Variants in RPL14 observed in about 807,000 individuals in gnomAD.
RPL14 encodes large ribosomal subunit protein eL14.
Under a neutral mutation model 25.3 loss-of-function variants are expected in RPL14, and 4 were observed. That is an observed-to-expected ratio of 0.16 (90% CI 0.08 to 0.36). The LOEUF (loss-of-function observed/expected upper bound fraction) is 0.36, where lower values mean the gene tolerates loss of function less well. Ranked by LOEUF, RPL14 falls within the 10% of genes least tolerant of loss-of-function variation. The pLI, the probability that RPL14 is intolerant of heterozygous loss-of-function variation, is 1.00. For synonymous variants in RPL14, 75 were observed against 89.8 expected, an observed-to-expected ratio of 0.84 and a Z score of 0.93; for missense variants, 212 against 261.9, an observed-to-expected ratio of 0.81 and a Z score of 1.31.
rs749845440 is a variant in RPL14 at position 40,458,731 on chromosome 3, G to C, written c.195G>C (p.Pro65=). The change falls in exon 3 of 6, where the codon CCG becomes CCC. Residue 65 remains proline (P), a synonymous_variant. Transcript: ENST00000396203. ...TCACTGATTTCATCCTCAAGTTTCC[G>C]CACAGGTAACTGTCCACTAATCACT... ...MQLTDFILKF[P]HSAHQKYVRQ... 3 of 1,612,646 alleles carry C rather than the reference G, an allele frequency of 1.9e-6. No individual in the cohort carries two copies. The highest frequency in any genetic ancestry group is 2.5e-6 in the Non-Finnish European group (3 of 1,178,830).
chr3:40,461,056 T>G (rs1325190894), intron 3 of RPL14, among the ~76,000 whole-genome samples: 2 of 151,976 alleles, frequency 1.3e-5, no homozygotes, highest in Admixed American at 6.6e-5. Flanking sequence ...ATTAGCTGGG[T>G]GTGCTGGTAT....
intron 3 of RPL14, 79 bp from the exon 4 acceptor site, chr3:40,461,328 T>G: frequency 8.2e-7 from 1 of 1,214,462 alleles, no homozygotes. Context: ...AGAGTGCTTT[T>G]CAAGGAACAA....
chr3:40,457,575 C>A (rs1696861682), intron 1 of RPL14, 101 bp downstream of exon 1: 3 of 1,015,966 alleles, frequency 3.0e-6, no homozygotes, highest in Non-Finnish European at 4.4e-6. Context: ...GCCCGGCAGG[C>A]CTGGCGCGCC....
At chr3:40,459,663 G>A (rs1157408409) in intron 3 of RPL14, among the ~76,000 whole-genome samples, 2 of 152,102 alleles carry the variant, frequency 1.3e-5, no homozygotes, top group African/African-American at 4.8e-5. Flanking sequence ...AGACCGTCCT[G>A]GCTAACACGG....
At position 40,465,900 on chromosome 3, in the gene RPL14, GA is replaced by G. The variant is rs1359211458; in HGVS notation, c.*3669del. ...TTAATAAGGTGGGACCATATGATAA[GA>G]GATTTGAGGCCGGGCACTGTGGCTC... On this transcript the variant is annotated 3_prime_UTR_variant, in exon 6 of 6. Coordinates refer to ENST00000396203, the MANE Select transcript of RPL14 (RefSeq NM_001034996.3). 2 of 152,170 alleles carry G rather than the reference GA, an allele frequency of 1.3e-5. No individual in the cohort carries two copies. The highest frequency in any genetic ancestry group is 4.8e-5 in the African/African-American group (2 of 41,432). 9.4% of individuals were successfully genotyped at this position (152,170 alleles called of 1,614,324 possible).
Position 40,467,562 on chromosome 3 carries a change from C to T in RPL14, c.*5330C>T, listed in dbSNP as rs1467068639. ...GCCCACCTGCATTGGTGAAGGTCAT[C>T]TTTACTCAGTCTACCCATTCAAATG... is the stretch of plus-strand genomic sequence containing the variant. On this transcript the variant is annotated 3_prime_UTR_variant, in exon 6 of 6. Coordinates refer to ENST00000396203, the MANE Select transcript of RPL14 (RefSeq NM_001034996.3). 1 of 152,346 alleles carries T rather than the reference C, an allele frequency of 6.6e-6. No individual in the cohort carries two copies. The highest frequency in any genetic ancestry group is 1.5e-5 in the Non-Finnish European group (1 of 68,054). The allele number at this position is 152,346 out of a possible 1,614,324, so 9.4% of individuals were successfully genotyped here. A position where few individuals can be genotyped will look rare whatever the true frequency, so the allele number is the denominator to read the frequency against.
At position 40,457,431 on chromosome 3, in the gene RPL14, G is replaced by T. The variant is rs1198952655; in HGVS notation, c.-41G>T. 6.3e-7 allele frequency: 1 copy of T among 1,586,546 alleles called. No individual in the cohort carries two copies. On this transcript the variant is annotated 5_prime_UTR_variant, in exon 1 of 6. Transcript: ENST00000396203. ...GCTCGACCTCCACCTCCGCTGGGAA[G>T]CTGAGGCGCCAAACGGCTCCCAGAG...
chr3:40,457,732 G>C, intron 1 of RPL14, 158 bp from the exon 2 acceptor site: 1 of 726,898 alleles, frequency 1.4e-6, no homozygotes, highest in Non-Finnish European at 2.3e-6. Flanking sequence ...GGCGTTTGCT[G>C]ATTTCGTCCA....
chr3:40,461,591 TG>T lies in RPL14; in HGVS notation c.301-16del. The T allele has an allele frequency of 6.3e-7, 1 of 1,596,054 alleles. No homozygotes were observed. The highest frequency in any genetic ancestry group is 1.4e-5 in the African/African-American group (1 of 73,724). ...TGTGAGAGGGATAATTTTTATTTGT[TG>T]TTTTTTTTTTAACAGAAAGCCAAGA... On this transcript the variant is annotated splice_polypyrimidine_tract_variant and intron_variant, in intron 4 of 5. Transcript: ENST00000396203.
At chr3:40,460,246 G>A (rs1309994862) in intron 3 of RPL14, among the ~76,000 whole-genome samples, 2 of 152,040 alleles carry the variant, frequency 1.3e-5, no homozygotes, top group African/African-American at 2.4e-5. Flanking sequence ...TGAATGGCTC[G>A]GATGTGTGCA....
In RPL14 at chr3:40,462,441, A is replaced by G. The variant is rs1308008166; in HGVS notation, c.*209A>G. On this transcript the variant is annotated 3_prime_UTR_variant, in exon 6 of 6. Coordinates refer to ENST00000396203, the MANE Select transcript of RPL14 (RefSeq NM_001034996.3). ...GCTCAGGCCGGACTGCAGTGGCGCT[A>G]TCTCGGCTCACTGTAAGTTCCACCT... 1.9e-5 allele frequency: 9 copies of G among 463,114 alleles called. No homozygotes were observed. Among genetic ancestry groups the G allele is most frequent in the East Asian group, 4.1e-5 (1 of 24,098 alleles). 28.7% of individuals were successfully genotyped at this position (463,114 alleles called of 1,614,324 possible). A position where few individuals can be genotyped will look rare whatever the true frequency, so the allele number is the denominator to read the frequency against.
rs546387401 is a variant in RPL14 at position 40,460,973 on chromosome 3, G to T, written c.201-434G>T. 4.6e-5 allele frequency among the ~76,000 whole-genome samples: 7 copies of T among 152,174 alleles called. No homozygotes were observed. In the South Asian group the frequency reaches 1.5e-3, roughly 32 times the overall value. Reference sequence around the variant, plus strand: ...GCACTTCAGGAGGCCAAGGTGGAGGGTTGCTTGAGCCCAGGAGTTGGAGAC... The same window carrying T: ...GCACTTCAGGAGGCCAAGGTGGAGGTTTGCTTGAGCCCAGGAGTTGGAGAC... On this transcript the variant is annotated intron_variant, in intron 3 of 5. Transcript: ENST00000396203.
rs1697041040 is a variant in RPL14, at chr3:40,467,261, G to A, written c.*5029G>A. On this transcript the variant is annotated 3_prime_UTR_variant, in exon 6 of 6. Coordinates refer to ENST00000396203, the MANE Select transcript of RPL14 (RefSeq NM_001034996.3). The stretch of plus-strand genomic sequence containing the variant: ...CAGAAAACCAATGGGATGGATGAAT[G>A]GACTCAAGAGATTGTGGAAACCAAG... 1 of 152,086 alleles carries A rather than the reference G, an allele frequency of 6.6e-6. No individual in the cohort carries two copies. Among genetic ancestry groups the A allele is most frequent in the Non-Finnish European group, 1.5e-5 (1 of 68,020 alleles). 9.4% of individuals were successfully genotyped at this position (152,086 alleles called of 1,614,324 possible). A position where few individuals can be genotyped will look rare whatever the true frequency, so the allele number is the denominator to read the frequency against.
chr3:40,457,584 C>T (rs758226560), intron 1 of RPL14, 110 bp downstream of exon 1: 50 of 909,432 alleles, frequency 5.5e-5, no homozygotes, highest in African/African-American at 5.4e-4. Flanking sequence ...GCCTGGCGCG[C>T]CTTGGGCCAC....
intron 2 of RPL14, chr3:40,458,416 T>C: frequency 3.5e-6 from 2 of 568,648 alleles, no homozygotes; most frequent in South Asian, 4.2e-5. Flanking sequence ...TGGGGTACTA[T>C]ATAGTTTAAG....
rs1696981157 is a variant in RPL14 at position 40,463,548 on chromosome 3, G to A, written c.*1316G>A. The A allele has an allele frequency of 6.6e-6, 1 of 152,162 alleles. No individual in the cohort carries two copies. Among genetic ancestry groups the A allele is most frequent in the African/African-American group, 2.4e-5 (1 of 41,432 alleles). The allele number at this position is 152,162 out of a possible 1,614,324, so 9.4% of individuals were successfully genotyped here. ...AAAGTAAACTAGGAAAATAGGGCAA[G>A]TATAAAAATTGCAGGTTGAGCATAT... On this transcript the variant is annotated 3_prime_UTR_variant, in exon 6 of 6. Coordinates refer to ENST00000396203, the MANE Select transcript of RPL14 (RefSeq NM_001034996.3).
At chr3:40,458,890 T>G (rs1696884828) in intron 3 of RPL14, 154 bp downstream of exon 3, 1 of 657,042 alleles carries the variant, frequency 1.5e-6, no homozygotes. Context: ...TTTTAAAATG[T>G]CTTGCCTGCG....
In RPL14 at chr3:40,458,004, A is replaced by C. The variant is rs752634907; in HGVS notation, c.105+13A>C. 1 of 1,609,082 alleles carries C rather than the reference A, an allele frequency of 6.2e-7. No individual in the cohort carries two copies. The highest frequency in any genetic ancestry group is 1.7e-4 in the Middle Eastern group (1 of 6,056). On this transcript the variant is annotated intron_variant, in intron 2 of 5. Coordinates refer to ENST00000396203, the MANE Select transcript of RPL14 (RefSeq NM_001034996.3). ...TGATCAGAACAGGGTAAGTGTCACAACTTTTTACTAAACATGGCAGTGGAC... is the reference window on the plus strand; with the variant it reads ...TGATCAGAACAGGGTAAGTGTCACACCTTTTTACTAAACATGGCAGTGGAC...
chr3:40,457,344 C>G lies in RPL14; in HGVS notation c.-128C>G. The G allele has an allele frequency of 6.2e-7, 1 of 1,603,456 alleles. No homozygotes were observed. Among genetic ancestry groups the G allele is most frequent in the East Asian group, 2.3e-5 (1 of 43,840 alleles). ...GGGTTGGGCGGGTCTTCTTCCTTCT[C>G]GCCTAACGCCGCCAACATGGTGAGT... is the stretch of plus-strand genomic sequence containing the variant. On this transcript the variant is annotated 5_prime_UTR_variant, in exon 1 of 6. Transcript: ENST00000396203.
Sources: gnomAD v4.1 joint callset for allele counts (sites outside exome capture counted in the v4.1 genomes callset) on GRCh38, gnomAD v4.1.1 for gene constraint, MANE v1.5 for transcripts, NCBI Gene and HGNC (gene_info 2026-07-23, HGNC 2026-07-21) for gene names.